ROR2: variants seen among roughly 807,000 people sequenced by gnomAD.
ROR2 encodes the protein ROR family WNT receptor 2.
Under a neutral mutation model 74.9 loss-of-function variants are expected in ROR2, and 33 were observed. The ratio of observed to expected loss-of-function variants is 0.44; its 90% CI spans 0.33 to 0.59. The LOEUF (loss-of-function observed/expected upper bound fraction) is 0.59. ROR2 is among the 20% of genes least tolerant of loss of function. The probability of loss-of-function intolerance (pLI) is 0.02; values close to 1 mark genes in which losing one functional copy is unlikely to be tolerated. For synonymous variants in ROR2, 586 were observed against 558.7 expected (o/e 1.05, Z -0.69); for missense variants, 1,216 against 1,313.8 (o/e 0.93, Z 1.15).
intron 1 of ROR2, among the ~76,000 whole-genome samples, chr9:91,779,131 C>T (rs1362921222): frequency 6.6e-6 from 1 of 151,912 alleles, no homozygotes; most frequent in East Asian, 1.9e-4. Context: ...ATAATGCACC[C>T]GTATTATGGG....
intron 1 of ROR2, among the ~76,000 whole-genome samples, chr9:91,795,502 T>A (rs1827138553): frequency 6.6e-6 from 1 of 152,232 alleles, no homozygotes; most frequent in African/African-American, 2.4e-5. Flanking sequence ...CTTCTAAGCT[T>A]TCTCCTTTTA....
intron 1 of ROR2, among the ~76,000 whole-genome samples, chr9:91,802,402 C>T (rs550870609): frequency 6.6e-6 from 1 of 152,218 alleles, no homozygotes; most frequent in Admixed American, 6.5e-5. Context: ...CCCAACCTGT[C>T]CTTTTGTATC....
At position 91,756,111 on chromosome 9, in the gene ROR2, G is replaced by C. The variant is rs778193373; in HGVS notation, c.464-10C>G. The C allele has an allele frequency of 1.1e-5, 17 of 1,613,680 alleles. No individual in the cohort carries two copies. Among genetic ancestry groups the C allele is most frequent in the Non-Finnish European group, 1.3e-5 (15 of 1,179,614 alleles). On this transcript the variant is annotated splice_polypyrimidine_tract_variant and intron_variant, in intron 3 of 8. Transcript: ENST00000375708. ...GGGCTGTGCGTTGGACCTAAAAAGAGGAAACAAAAAGACAAGTTATTAATA... is the reference window on the plus strand; with the variant it reads ...GGGCTGTGCGTTGGACCTAAAAAGACGAAACAAAAAGACAAGTTATTAATA...
At chr9:91,915,243 G>C (rs900770405) in intron 1 of ROR2, among the ~76,000 whole-genome samples, 10 of 152,164 alleles carry the variant, frequency 6.6e-5, no homozygotes, top group Admixed American at 6.6e-4. Flanking sequence ...ACTACCACAC[G>C]CGGCTCCCAT....
intron 1 of ROR2, among the ~76,000 whole-genome samples, chr9:91,846,135 C>T (rs547291939): frequency 2.8e-4 from 42 of 152,172 alleles, no homozygotes; most frequent in East Asian, 3.9e-4. Context: ...TCTCTCTGGA[C>T]GACCTTGAGA....
At chr9:91,895,005 C>G (rs535958036) in intron 1 of ROR2, among the ~76,000 whole-genome samples, 203 of 152,224 alleles carry the variant, frequency 1.3e-3, no homozygotes, top group African/African-American at 4.7e-3. Context: ...TCATAATTGC[C>G]AAAACTTGGA....
chr9:91,792,578 G>C (rs1827036599), intron 1 of ROR2, among the ~76,000 whole-genome samples: 2 of 152,144 alleles, frequency 1.3e-5, no homozygotes. Flanking sequence ...AAAGTGCTGG[G>C]ATTACAGGCA....
At chr9:91,915,446 T>C (rs1234308877) in intron 1 of ROR2, among the ~76,000 whole-genome samples, 1 of 152,000 alleles carries the variant, frequency 6.6e-6, no homozygotes, top group African/African-American at 2.4e-5. Context: ...CTCTTAAAGG[T>C]GGTGTGTCTG....
intron 1 of ROR2, among the ~76,000 whole-genome samples, chr9:91,846,686 C>A (rs1163934652): frequency 6.6e-6 from 1 of 152,094 alleles, no homozygotes; most frequent in Non-Finnish European, 1.5e-5. Context: ...AGTTTCGAGT[C>A]TTGCCTGTAC....
At chr9:91,917,087 A>G (rs936584234) in intron 1 of ROR2, among the ~76,000 whole-genome samples, 6 of 152,182 alleles carry the variant, frequency 3.9e-5, no homozygotes, top group Admixed American at 6.5e-5. Context: ...GAAGTTCATT[A>G]ATTTCCTCCT....
At chr9:91,914,688 T>C (rs144167211) in intron 1 of ROR2, among the ~76,000 whole-genome samples, 1 of 152,098 alleles carries the variant, frequency 6.6e-6, no homozygotes, top group East Asian at 1.9e-4. Flanking sequence ...ATCTCATTGG[T>C]CAGAACCAGG....
At chr9:91,871,906 T>C (rs983814398) in intron 1 of ROR2, among the ~76,000 whole-genome samples, 1 of 152,086 alleles carries the variant, frequency 6.6e-6, no homozygotes, top group African/African-American at 2.4e-5. Flanking sequence ...TCTGGCCCAG[T>C]TGAGCCTTCA....
At chr9:91,725,256 G>A in intron 8 of ROR2, 149 bp from the exon 9 acceptor site, 1 of 1,349,606 alleles carries the variant, frequency 7.4e-7, no homozygotes, top group Non-Finnish European at 1.0e-6. Flanking sequence ...CCCAGCCTTG[G>A]CCTGCCCACC....
intron 1 of ROR2, among the ~76,000 whole-genome samples, chr9:91,938,508 G>C (rs1194569506): frequency 6.6e-6 from 1 of 152,136 alleles, no homozygotes; most frequent in East Asian, 1.9e-4. Flanking sequence ...TGTAATCTTA[G>C]CTATGTGGGA....
intron 1 of ROR2, among the ~76,000 whole-genome samples, chr9:91,882,686 A>G (rs1023147711): frequency 2.1e-4 from 32 of 152,294 alleles, no homozygotes; most frequent in African/African-American, 7.2e-4. Flanking sequence ...AAGGTTTTTA[A>G]AAGAGTAATT....
At chr9:91,923,832 C>T (rs759638219) in intron 1 of ROR2, 1 of 152,214 alleles carries the variant, frequency 6.6e-6, no homozygotes, top group Admixed American at 6.5e-5. Context: ...TGAGAGATTC[C>T]AAGCTCCCTG....
chr9:91,730,758 A>G, intron 7 of ROR2, 152 bp downstream of exon 7: 2 of 1,089,844 alleles, frequency 1.8e-6, no homozygotes, highest in Non-Finnish European at 2.7e-6. Context: ...GTGGCCCAAC[A>G]GCTTTATTTA....
chr9:91,848,169 G>A (rs75393983), intron 1 of ROR2, among the ~76,000 whole-genome samples: 2,236 of 152,234 alleles, frequency 0.015, 60 homozygotes, highest in African/African-American at 0.051. Flanking sequence ...TTCTGATAAC[G>A]TATGCATGCC....
At position 91,725,177 on chromosome 9, in the gene ROR2, C is replaced by T. The variant is rs10992065; in HGVS notation, c.1387-70G>A. The T allele has an allele frequency of 0.28, 455,511 of 1,603,272 alleles. 66,805 individuals are homozygous for T. Among genetic ancestry groups the T allele is most frequent in the East Asian group, 0.36 (16,032 of 44,848 alleles). On this transcript the variant is annotated intron_variant, in intron 8 of 8. Transcript: ENST00000375708. ...GCCCTGGAGGAAGCTGCAGAGCAGC[C>T]GGGAGGAGTGGAGTCCCTGTGCGGC...
Sources: gnomAD v4.1 joint callset for allele counts (sites outside exome capture counted in the v4.1 genomes callset) on GRCh38, gnomAD v4.1.1 for gene constraint, MANE v1.5 for transcripts, NCBI Gene and HGNC (gene_info 2026-07-23, HGNC 2026-07-21) for gene names.